The following RBFOX1 variants were observed in gnomAD, a reference collection of about 807,000 sequenced individuals.
The protein encoded by RBFOX1 is RNA binding fox-1 homolog 1.
In RBFOX1, 8 loss-of-function variants were observed where a neutral mutation model predicts 57.7. The observed-to-expected ratio is 0.14, with a 90% confidence interval of 0.08 to 0.25. The LOEUF (loss-of-function observed/expected upper bound fraction) is 0.25. RBFOX1 is among the 10% of genes least tolerant of loss of function. RBFOX1 has a pLI of 1.00. For synonymous variants in RBFOX1, 326 were observed against 222.4 expected (o/e 1.47, Z -4.15); for missense variants, 611 against 548.5 (o/e 1.11, Z -1.14).
intron 4 of RBFOX1, among the ~76,000 whole-genome samples, chr16:7,109,019 C>G (rs1048162033): frequency 3.3e-5 from 5 of 152,040 alleles, no homozygotes; most frequent in African/African-American, 1.2e-4. Flanking sequence ...GAAAAGAGGG[C>G]AGTATACGTG....
intron 5 of RBFOX1, among the ~76,000 whole-genome samples, chr16:7,540,948 G>T (rs1417770631): frequency 6.6e-6 from 1 of 152,140 alleles, no homozygotes; most frequent in Non-Finnish European, 1.5e-5. Context: ...ACCTTAGTTT[G>T]ATGACCCTGG....
intron 3 of RBFOX1, among the ~76,000 whole-genome samples, chr16:7,038,143 C>T (rs7189177): frequency 0.055 from 8,419 of 152,074 alleles, 762 homozygotes; most frequent in African/African-American, 0.19. Context: ...GGAAAATCTT[C>T]GCTGAGATGC....
At chr16:6,330,172 G>A (rs765577441) in intron 2 of RBFOX1, among the ~76,000 whole-genome samples, 2 of 152,108 alleles carry the variant, frequency 1.3e-5, no homozygotes, top group Non-Finnish European at 2.9e-5. Flanking sequence ...TAATAAAAAA[G>A]TCATAAGGAT....
At chr16:6,368,533 A>T (rs935912166) in intron 2 of RBFOX1, among the ~76,000 whole-genome samples, 1 of 152,152 alleles carries the variant, frequency 6.6e-6, no homozygotes, top group Non-Finnish European at 1.5e-5. Flanking sequence ...CAATTCATGG[A>T]ACCTCCTTTA....
At chr16:7,664,428 A>G (rs1327527416) in intron 12 of RBFOX1, among the ~76,000 whole-genome samples, 1 of 152,198 alleles carries the variant, frequency 6.6e-6, no homozygotes, top group Non-Finnish European at 1.5e-5. Flanking sequence ...TTTTGAAACC[A>G]TATGTGTTGT....
chr16:7,418,487 G>C (rs990949957), intron 4 of RBFOX1, among the ~76,000 whole-genome samples: 1 of 152,158 alleles, frequency 6.6e-6, no homozygotes, highest in Non-Finnish European at 1.5e-5. Context: ...TACGCATTCT[G>C]TGTCTCTGCC....
At chr16:7,636,991 C>T (rs531483206) in intron 11 of RBFOX1, among the ~76,000 whole-genome samples, 4 of 152,246 alleles carry the variant, frequency 2.6e-5, no homozygotes, top group Non-Finnish European at 4.4e-5. Flanking sequence ...TTGGGGGTTA[C>T]GGCTTCCACA....
intron 1 of RBFOX1, among the ~76,000 whole-genome samples, chr16:6,146,560 C>G (rs2096759824): frequency 6.6e-6 from 1 of 152,116 alleles, no homozygotes; most frequent in South Asian, 2.1e-4. Flanking sequence ...CCAGTGGCTA[C>G]TGATACTGGC....
intron 3 of RBFOX1, among the ~76,000 whole-genome samples, chr16:6,906,750 T>A (rs2070085044): frequency 6.8e-6 from 1 of 146,190 alleles, no homozygotes; most frequent in South Asian, 2.2e-4. Context: ...TGAGACAGAG[T>A]CTTGCTCTGT....
intron 2 of RBFOX1, among the ~76,000 whole-genome samples, chr16:5,512,705 A>T (rs545030271): frequency 6.6e-4 from 100 of 152,238 alleles, no homozygotes; most frequent in African/African-American, 2.4e-3. Context: ...ACTCAGCTTT[A>T]CCTATTGTTA....
chr16:5,608,975 T>G (rs2047682167), intron 3 of RBFOX1, among the ~76,000 whole-genome samples: 1 of 152,226 alleles, frequency 6.6e-6, no homozygotes, highest in African/African-American at 2.4e-5. Context: ...CATATCCATT[T>G]CGCCAATCCA....
At chr16:7,494,125 A>C (rs1326690122) in intron 4 of RBFOX1, among the ~76,000 whole-genome samples, 1 of 152,198 alleles carries the variant, frequency 6.6e-6, no homozygotes, top group East Asian at 1.9e-4. Context: ...TAATAGATAA[A>C]GGTGAGAAGA....
At chr16:7,188,264 A>G (rs1030807022) in intron 4 of RBFOX1, among the ~76,000 whole-genome samples, 2 of 152,198 alleles carry the variant, frequency 1.3e-5, no homozygotes, top group Admixed American at 1.3e-4. Flanking sequence ...GCAGAGATGG[A>G]AAAGTTAACA....
intron 1 of RBFOX1, among the ~76,000 whole-genome samples, chr16:5,412,340 A>G (rs2067044107): frequency 6.6e-6 from 1 of 152,238 alleles, no homozygotes; most frequent in Non-Finnish European, 1.5e-5. Context: ...CATGCTAGGC[A>G]CAAAGTAAAT....
At chr16:6,557,952 AT>A (rs1321682202) in intron 2 of RBFOX1, among the ~76,000 whole-genome samples, 3 of 152,138 alleles carry the variant, frequency 2.0e-5, no homozygotes, top group African/African-American at 4.8e-5. Flanking sequence ...TCTTAATTAA[AT>A]TCTTTCTTGC....
intron 1 of RBFOX1, among the ~76,000 whole-genome samples, chr16:6,264,265 A>G (rs1050708093): frequency 1.3e-5 from 2 of 152,156 alleles, no homozygotes; most frequent in South Asian, 4.1e-4. Context: ...CTGAGGTCCA[A>G]GGAAGTATGC....
intron 4 of RBFOX1, among the ~76,000 whole-genome samples, chr16:5,933,793 T>TTG (rs1249515718): frequency 6.6e-6 from 1 of 152,012 alleles, no homozygotes; most frequent in African/African-American, 2.4e-5. Context: ...TTTTTGTTTT[T>TTG]TTTTTAACTT....
intron 2 of RBFOX1, among the ~76,000 whole-genome samples, chr16:5,597,034 T>G (rs2047205037): frequency 6.6e-6 from 1 of 152,082 alleles, no homozygotes; most frequent in African/African-American, 2.4e-5. Context: ...AGAGAAACAA[T>G]AAAATATGTG....
chr16:7,420,938 T>TACACACACACACAC (rs917264873), intron 4 of RBFOX1, among the ~76,000 whole-genome samples: 293 of 140,114 alleles, frequency 2.1e-3, no homozygotes, highest in African/African-American at 7.1e-3. Flanking sequence ...CATATATATA[T>TACACACACACACAC]ACACACACAC....
Sources: allele counts gnomAD v4.1 joint callset (sites outside exome capture counted in the v4.1 genomes callset), GRCh38; gene constraint gnomAD v4.1.1; transcripts MANE v1.5; gene names NCBI Gene and HGNC (gene_info 2026-07-23, HGNC 2026-07-21).